Variants in ADIPOR2 observed in about 807,000 individuals in gnomAD.
ADIPOR2 encodes adiponectin receptor 2, also known as adiponectin receptor protein 2.
A neutral mutation model predicts 40.9 loss-of-function variants in ADIPOR2; 18 were observed. That is an observed-to-expected ratio of 0.44 (90% CI 0.30 to 0.65). ADIPOR2 has a LOEUF of 0.65. ADIPOR2 is among the 30% of genes least tolerant of loss of function. The probability of loss-of-function intolerance (pLI) is 0.09; values close to 1 mark genes in which losing one functional copy is unlikely to be tolerated. For missense variants in ADIPOR2, 283 were observed against 479.2 expected, an observed-to-expected ratio of 0.59 and a Z score of 3.82; for synonymous variants, 165 against 166.4, an observed-to-expected ratio of 0.99 and a Z score of 0.06.
chr12:1,768,187 T>G (rs1354975488), intron 2 of ADIPOR2, among the ~76,000 whole-genome samples: 1 of 152,196 alleles, frequency 6.6e-6, no homozygotes, highest in Non-Finnish European at 1.5e-5. Flanking sequence ...TTTCATCTAA[T>G]TGTGGATGGT....
rs184751019 is a variant in ADIPOR2 at position 1,767,099 on chromosome 12, G to A, written c.172-5743G>A. On this transcript the variant is annotated intron_variant, in intron 2 of 7. Transcript: ENST00000357103. ...AGCCTGGCCAACATGGTGAAACCCC[G>A]TCTCTACTAAAAATATAAATAATTA... is the stretch of plus-strand genomic sequence containing the variant. Among the ~76,000 whole-genome samples, 1,134 of 151,676 alleles carry A rather than the reference G, an allele frequency of 7.5e-3. 51 individuals carry two copies. The highest frequency in any genetic ancestry group is 0.066 in the Admixed American group (1,001 of 15,234).
intron 1 of ADIPOR2, among the ~76,000 whole-genome samples, chr12:1,707,625 C>T (rs897108048): frequency 6.6e-5 from 10 of 152,016 alleles, no homozygotes; most frequent in African/African-American, 2.4e-4. Flanking sequence ...CCACTACATC[C>T]AGCTAATTTT....
rs751923429 is a variant in ADIPOR2 at position 1,754,398 on chromosome 12, A to G, written c.55A>G (p.Ile19Val). ...GTGCAGCAGGACTCCAGAGCCAGAT[A>G]TAAGGCTCAGAAAAGGGCACCAACT... ...LGCSRTPEPDIRLRKGHQLDG... is the reference protein window; with the variant it reads ...LGCSRTPEPDVRLRKGHQLDG... Residue 19 changes from isoleucine (I) to valine (V), a missense_variant, in exon 2 of 8, where the codon ATA becomes GTA. Physicochemically the swap from Ile to Val is conservative, Grantham distance 29 (BLOSUM62 3). Transcript: ENST00000357103. 19 of 1,613,534 alleles carry G rather than the reference A, an allele frequency of 1.2e-5. No individual in the cohort carries two copies. In the South Asian group the frequency reaches 1.9e-4, roughly 16 times the overall value.
At chr12:1,709,398 G>A (rs1353988133) in intron 1 of ADIPOR2, among the ~76,000 whole-genome samples, 1 of 151,946 alleles carries the variant, frequency 6.6e-6, no homozygotes, top group African/African-American at 2.4e-5. Context: ...TTCCAATTTG[G>A]TGCTAGTATG....
chr12:1,696,855 T>A (rs1488429181), intron 1 of ADIPOR2: 1 of 154,088 alleles, frequency 6.5e-6, no homozygotes, highest in Non-Finnish European at 1.5e-5. Context: ...AGGAAGTTCT[T>A]CTGTCATGGC....
intron 1 of ADIPOR2, among the ~76,000 whole-genome samples, chr12:1,707,082 A>G (rs538311549): frequency 6.6e-6 from 1 of 152,298 alleles, no homozygotes; most frequent in South Asian, 2.1e-4. Flanking sequence ...AGAGTCCTCC[A>G]TGTTGCTTTG....
At chr12:1,747,996 CT>C (rs1372761594) in intron 1 of ADIPOR2, among the ~76,000 whole-genome samples, 1 of 152,040 alleles carries the variant, frequency 6.6e-6, no homozygotes, top group South Asian at 2.1e-4. Context: ...GCCATTATTT[CT>C]TTGAATTTTT....
Position 1,780,755 on chromosome 12 carries a change from T to TA in ADIPOR2, c.650+123dup, listed in dbSNP as rs1555172100. ...CATCTCATGCAAACTTTTTTTTTTT[T>TA]AAAAATTAAAGAGCAACCCAGTTTG... On this transcript the variant is annotated intron_variant, in intron 5 of 7. Coordinates refer to ENST00000357103, the MANE Select transcript of ADIPOR2 (RefSeq NM_024551.3). The TA allele has an allele frequency of 4.5e-4, 593 of 1,312,724 alleles. 1 individual carries two copies. The highest frequency in any genetic ancestry group is 4.9e-4 in the Non-Finnish European group (483 of 982,400). 81.3% of individuals were successfully genotyped at this position (1,312,724 alleles called of 1,614,324 possible). A position where few individuals can be genotyped will look rare whatever the true frequency, so the allele number is the denominator to read the frequency against.
Position 1,754,434 on chromosome 12 carries a change from C to T in ADIPOR2, c.91C>T (p.Arg31Ter), listed in dbSNP as rs777795564. Residue 31 changes from arginine (R) to a stop codon, truncating the protein, a stop_gained, in exon 2 of 8, where the codon CGA becomes TGA. Coordinates refer to ENST00000357103, the MANE Select transcript of ADIPOR2 (RefSeq NM_024551.3). LOFTEE classifies it high-confidence loss of function. The part of the protein sequence containing the change: ...LRKGHQLDGT[R>*]RGDNDSHQGD... ...AAAAGGGCACCAACTGGATGGTACA[C>T]GAAGAGGTGATAATGACAGCCACCA... 7 of 1,613,352 alleles carry T rather than the reference C, an allele frequency of 4.3e-6. No individual in the cohort carries two copies. The highest frequency in any genetic ancestry group is 3.3e-5 in the South Asian group (3 of 90,990).
rs1444949524 is a variant in ADIPOR2 at position 1,787,796 on chromosome 12, C to G, written c.*1724C>G. On this transcript the variant is annotated 3_prime_UTR_variant, in exon 8 of 8. Transcript: ENST00000357103. ...TTCTCAGTTATTTTCCTCCCTTGCC[C>G]TTGCAATCTCCAGCAAAAGGTGGGA... 1 of 152,250 alleles carries G rather than the reference C, an allele frequency of 6.6e-6. No homozygotes were observed. Among genetic ancestry groups the G allele is most frequent in the Non-Finnish European group, 1.5e-5 (1 of 68,050 alleles). 9.4% of individuals were successfully genotyped at this position (152,250 alleles called of 1,614,324 possible).
At position 1,786,775 on chromosome 12, in the gene ADIPOR2, CAG is replaced by C. The variant is rs1437944264; in HGVS notation, c.*708_*709del. The C allele has an allele frequency of 3.9e-5, 6 of 152,458 alleles. No individual in the cohort carries two copies. The highest frequency in any genetic ancestry group is 7.3e-5 in the Non-Finnish European group (5 of 68,048). The allele number at this position is 152,458 out of a possible 1,614,324, so 9.4% of individuals were successfully genotyped here. ...TGACATACCTTGGACCCTAATGGGG[CAG>C]AGAGTATAGCCCTAGCCCAGTGGTG... On this transcript the variant is annotated 3_prime_UTR_variant, in exon 8 of 8. Transcript: ENST00000357103.
At chr12:1,715,372 C>T (rs373435346) in intron 1 of ADIPOR2, among the ~76,000 whole-genome samples, 52 of 152,134 alleles carry the variant, frequency 3.4e-4, no homozygotes, top group African/African-American at 9.9e-4. Flanking sequence ...AAAAATGAGC[C>T]GCCTCTTTTT....
chr12:1,693,520 C>CTTTTTTTTTTTTTTTTTTTTT (rs35175001), intron 1 of ADIPOR2, among the ~76,000 whole-genome samples: 1 of 140,208 alleles, frequency 7.1e-6, no homozygotes, highest in Non-Finnish European at 1.5e-5. Context: ...TTGTAATCTG[C>CTTTTTTTTTTTTTTTTTTTTT]TTTTTTTTTT....
At chr12:1,732,634 T>C (rs2094722761) in intron 1 of ADIPOR2, among the ~76,000 whole-genome samples, 1 of 152,250 alleles carries the variant, frequency 6.6e-6, no homozygotes, top group Admixed American at 6.5e-5. Context: ...TATGCAAGTT[T>C]TTGTGTGCAC....
chr12:1,702,717 G>A lies in ADIPOR2; in HGVS notation c.-87+11526G>A, dbSNP rs552734928. On this transcript the variant is annotated intron_variant, in intron 1 of 7. Transcript: ENST00000357103. ...AGTGAATTGCAACTGTCTTTTCTCA[G>A]TCTGTGTGGCTTATCTCTTAACTTT... 4.1e-4 allele frequency among the ~76,000 whole-genome samples: 62 copies of A among 152,214 alleles called. No homozygotes were observed. In the South Asian group the frequency reaches 0.01, roughly 25 times the overall value.
At chr12:1,716,110 C>T (rs568102846) in intron 1 of ADIPOR2, among the ~76,000 whole-genome samples, 17 of 152,200 alleles carry the variant, frequency 1.1e-4, no homozygotes, top group African/African-American at 1.7e-4. Flanking sequence ...TTGAAGTCAG[C>T]GAGTCCATGA....
intron 1 of ADIPOR2, among the ~76,000 whole-genome samples, chr12:1,743,753 C>G (rs1308056548): frequency 6.6e-6 from 1 of 152,132 alleles, no homozygotes; most frequent in Non-Finnish European, 1.5e-5. Flanking sequence ...AAAAATTAAT[C>G]ACTTATTGTT....
At chr12:1,699,553 A>C (rs2094646084) in intron 1 of ADIPOR2, among the ~76,000 whole-genome samples, 1 of 152,202 alleles carries the variant, frequency 6.6e-6, no homozygotes, top group Non-Finnish European at 1.5e-5. Context: ...TGGGAGACCG[A>C]GGCAGGATAA....
rs1018818722 is a variant in ADIPOR2 at position 1,768,878 on chromosome 12, C to G, written c.172-3964C>G. Among the ~76,000 whole-genome samples, 4 of 152,198 alleles carry G rather than the reference C, an allele frequency of 2.6e-5. No homozygotes were observed. The East Asian group carries it at 5.8e-4, about 22-fold the overall frequency. On this transcript the variant is annotated intron_variant, in intron 2 of 7. Transcript: ENST00000357103. ...TTTGTGCTCATTTCAAAGCATTGAC[C>G]TCTACAAGTTTAAATATAGTTATTC...
Sources: gnomAD v4.1 joint callset for allele counts (sites outside exome capture counted in the v4.1 genomes callset) on GRCh38, gnomAD v4.1.1 for gene constraint, MANE v1.5 for transcripts, NCBI Gene and HGNC (gene_info 2026-07-23, HGNC 2026-07-21) for gene names.